PLXDC2: variants seen among roughly 807,000 people sequenced by gnomAD.
PLXDC2 encodes plexin domain-containing protein 2.
Under a neutral mutation model 68.9 loss-of-function variants are expected in PLXDC2, and 40 were observed. The observed-to-expected ratio is 0.58, with a 90% CI of 0.45 to 0.76. The LOEUF is 0.76. PLXDC2 is among the 30% of genes least tolerant of loss of function. The pLI is 0.00. For synonymous variants in PLXDC2, 243 were observed against 234.2 expected (o/e 1.04, Z -0.34); for missense variants, 644 against 661.9 (o/e 0.97, Z 0.30).
chr10:20,094,085 G>C (rs1833316534), intron 4 of PLXDC2, among the ~76,000 whole-genome samples: 1 of 152,134 alleles, frequency 6.6e-6, no homozygotes, highest in South Asian at 2.1e-4. Flanking sequence ...AAAATACATG[G>C]ATAAAACTTA....
At chr10:20,011,014 G>A (rs1835103723) in intron 2 of PLXDC2, among the ~76,000 whole-genome samples, 1 of 152,040 alleles carries the variant, frequency 6.6e-6, no homozygotes, top group Non-Finnish European at 1.5e-5. Context: ...TTTCCAAGAG[G>A]ACATATCAAA....
intron 1 of PLXDC2, among the ~76,000 whole-genome samples, chr10:19,914,686 A>G (rs1222723382): frequency 6.6e-6 from 1 of 152,208 alleles, no homozygotes; most frequent in Non-Finnish European, 1.5e-5. Flanking sequence ...AGACTCCATC[A>G]GTCCCATTAT....
At chr10:19,985,999 C>G (rs1442782616) in intron 1 of PLXDC2, among the ~76,000 whole-genome samples, 1 of 152,180 alleles carries the variant, frequency 6.6e-6, no homozygotes, top group Non-Finnish European at 1.5e-5. Context: ...CTAATTCTTG[C>G]TGGCACCATG....
rs1423926086 is a variant in PLXDC2 at position 20,285,112 on chromosome 10, A to AT, written c.*5294dup. On this transcript the variant is annotated 3_prime_UTR_variant, in exon 14 of 14. Coordinates refer to ENST00000377252, the MANE Select transcript of PLXDC2 (RefSeq NM_032812.9). ...TATAGCTGATTTTCTGACCACATAT[A>AT]TAATTGCAATTTTTATTTGCTCTTC... 5.9e-5 allele frequency: 9 copies of AT among 152,222 alleles called. No homozygotes were observed. The highest frequency in any genetic ancestry group is 5.2e-4 in the Admixed American group (8 of 15,278). 9.4% of individuals were successfully genotyped at this position (152,222 alleles called of 1,614,324 possible). A position where few individuals can be genotyped will look rare whatever the true frequency, so the allele number is the denominator to read the frequency against.
rs1299594904 is a variant in PLXDC2, at chr10:19,884,027, G to A, written c.112+66836G>A. Among the ~76,000 whole-genome samples the A allele has an allele frequency of 2.0e-5, 3 of 149,528 alleles. No homozygotes were observed. The East Asian group carries it at 5.9e-4, about 30-fold the overall frequency. ...ATCCTCTCAGCCTCCATGTAGCCAG[G>A]GCTACAGGTGTGCACCACCACACCT... On this transcript the variant is annotated intron_variant, in intron 1 of 13. Coordinates refer to ENST00000377252, the MANE Select transcript of PLXDC2 (RefSeq NM_032812.9).
chr10:20,154,281 A>C (rs533126100), intron 6 of PLXDC2, among the ~76,000 whole-genome samples: 2 of 152,112 alleles, frequency 1.3e-5, no homozygotes, highest in African/African-American at 4.8e-5. Context: ...TTTTATTCCA[A>C]TGGCCGGGTA....
chr10:19,882,444 G>A (rs537191529), intron 1 of PLXDC2, among the ~76,000 whole-genome samples: 19 of 152,284 alleles, frequency 1.2e-4, no homozygotes, highest in Middle Eastern at 3.4e-3. Flanking sequence ...TAATGGAAAA[G>A]CAAAGGAAGA....
chr10:19,904,531 A>T (rs1308107142), intron 1 of PLXDC2, among the ~76,000 whole-genome samples: 3 of 151,830 alleles, frequency 2.0e-5, no homozygotes, highest in Non-Finnish European at 4.4e-5. Context: ...GCAACTGGTG[A>T]CCAGGGCTGA....
At chr10:19,996,122 T>G (rs1449162832) in intron 1 of PLXDC2, among the ~76,000 whole-genome samples, 1 of 152,054 alleles carries the variant, frequency 6.6e-6, no homozygotes, top group East Asian at 1.9e-4. Context: ...GAGAAAAGGT[T>G]GTAAAAGGAA....
intron 1 of PLXDC2, among the ~76,000 whole-genome samples, chr10:19,821,398 C>T (rs868389821): frequency 6.6e-6 from 1 of 152,184 alleles, no homozygotes; most frequent in Non-Finnish European, 1.5e-5. Context: ...CACAAAAGGA[C>T]GTGTTGTCTT....
intron 1 of PLXDC2, among the ~76,000 whole-genome samples, chr10:19,853,652 T>TGGGGGGGG (rs10563076): frequency 2.3e-5 from 3 of 129,110 alleles, no homozygotes; most frequent in Admixed American, 8.5e-5. Context: ...CTGCTTTGGG[T>TGGGGGGGG]GGGGGGGGGG....
chr10:20,159,799 T>C (rs1231238586), intron 6 of PLXDC2, among the ~76,000 whole-genome samples: 2 of 152,218 alleles, frequency 1.3e-5, no homozygotes, highest in Non-Finnish European at 2.9e-5. Flanking sequence ...CATGTGCCGG[T>C]ACATCTACCC....
At chr10:19,972,196 G>A (rs1834366226) in intron 1 of PLXDC2, among the ~76,000 whole-genome samples, 1 of 152,156 alleles carries the variant, frequency 6.6e-6, no homozygotes, top group Non-Finnish European at 1.5e-5. Context: ...GATATATCTG[G>A]CTGCTTATCA....
intron 1 of PLXDC2, among the ~76,000 whole-genome samples, chr10:19,953,135 T>G (rs1427700591): frequency 6.6e-6 from 1 of 152,306 alleles, no homozygotes. Context: ...AAACTTGGAA[T>G]TCTATAGTTT....
chr10:20,023,202 G>T (rs1172632882), intron 2 of PLXDC2, among the ~76,000 whole-genome samples: 1 of 151,134 alleles, frequency 6.6e-6, no homozygotes, highest in Non-Finnish European at 1.5e-5. Flanking sequence ...GCATTAAAAA[G>T]AAATAAAACA....
intron 4 of PLXDC2, among the ~76,000 whole-genome samples, chr10:20,112,568 T>C (rs1448951565): frequency 6.6e-6 from 1 of 152,202 alleles, no homozygotes; most frequent in African/African-American, 2.4e-5. Context: ...TGTTAAGCTG[T>C]CATATTTGTT....
At chr10:20,109,646 T>C (rs528247568) in intron 4 of PLXDC2, among the ~76,000 whole-genome samples, 2 of 152,204 alleles carry the variant, frequency 1.3e-5, no homozygotes, top group Non-Finnish European at 2.9e-5. Context: ...AGATATCTTC[T>C]CTCACATAGA....
intron 9 of PLXDC2, among the ~76,000 whole-genome samples, chr10:20,186,426 T>G (rs1834683291): frequency 6.6e-6 from 1 of 151,942 alleles, no homozygotes; most frequent in South Asian, 2.1e-4. Context: ...CTTTAACTTT[T>G]ATTTTAGGTA....
intron 4 of PLXDC2, among the ~76,000 whole-genome samples, chr10:20,089,837 A>G (rs1024371354): frequency 1.3e-5 from 2 of 152,252 alleles, no homozygotes; most frequent in Admixed American, 1.3e-4. Context: ...TATAAGAAAC[A>G]CAGAACAAAT....
Sources: gnomAD v4.1 joint callset for allele counts (sites outside exome capture counted in the v4.1 genomes callset) on GRCh38, gnomAD v4.1.1 for gene constraint, MANE v1.5 for transcripts, NCBI Gene and HGNC (gene_info 2026-07-23, HGNC 2026-07-21) for gene names.